WNK1: variants seen among roughly 807,000 people sequenced by gnomAD.
The protein encoded by WNK1 is serine/threonine-protein kinase WNK1.
WNK1 carries 38 observed loss-of-function variants against 222.8 expected under a neutral mutation model. That is an observed-to-expected ratio of 0.17 (90% CI 0.13 to 0.22). WNK1 has a LOEUF of 0.22. Among genes scored for constraint, WNK1 ranks in the 10% least tolerant of loss-of-function variants. WNK1 has a pLI of 1.00. For synonymous variants in WNK1, 1,090 were observed against 1,092.9 expected (o/e 1.00, Z 0.05); for missense variants, 2,348 against 2,918.4 (o/e 0.80, Z 4.50).
At position 896,506 on chromosome 12, in the gene WNK1, C is replaced by A. The variant is rs761227865; in HGVS notation, c.6019C>A (p.Leu2007Ile). The change falls in exon 24 of 28, where the codon CTA becomes ATA. Residue 2007 changes from leucine (L) to isoleucine (I), a missense_variant. Leu to Ile is a conservative substitution (Grantham distance 5, BLOSUM62 2). Around this residue, in one of 13 missense-constraint regions of WNK1, gnomAD observed 1,144 missense variants for 1,273.6 expected, o/e 0.90. Coordinates refer to ENST00000315939, the MANE Select transcript of WNK1 (RefSeq NM_018979.4). ...GCCTGAACTGTCAGAGCCTTCACAT[C>A]TAAATGGGCCGTCTTCTGACCCGGA... ...EKPELSEPSH[L>I]NGPSSDPEAA... is the part of the protein sequence containing the mutation. The A allele has an allele frequency of 6.2e-7, 1 of 1,613,818 alleles. No homozygotes were observed. Among genetic ancestry groups the A allele is most frequent in the South Asian group, 1.1e-5 (1 of 91,056 alleles).
chr12:859,634 T>TGTGTGTGTGG (rs777323797), intron 6 of WNK1, among the ~76,000 whole-genome samples, 170 bp downstream of exon 6: 11 of 12,950 alleles, frequency 8.5e-4, no homozygotes, highest in East Asian at 8.3e-3. Flanking sequence ...GTGTGTGTGT[T>TGTGTGTGTGG]TTTTTTTTTT....
chr12:882,493 T>C (rs1429286028), intron 14 of WNK1, among the ~76,000 whole-genome samples: 1 of 152,188 alleles, frequency 6.6e-6, no homozygotes, highest in Non-Finnish European at 1.5e-5. Context: ...AGCCAGATAA[T>C]TTATATAGTA....
At chr12:904,150 G>A (rs1410284479) in intron 26 of WNK1, among the ~76,000 whole-genome samples, 1 of 152,160 alleles carries the variant, frequency 6.6e-6, no homozygotes, top group African/African-American at 2.4e-5. Context: ...CTGAGAGACT[G>A]GAGTTCCTCG....
intron 8 of WNK1, among the ~76,000 whole-genome samples, chr12:862,947 C>T (rs935605367): frequency 5.3e-5 from 8 of 152,096 alleles, no homozygotes; most frequent in African/African-American, 1.9e-4. Flanking sequence ...TATACACATA[C>T]ACACACACAA....
At chr12:775,770 T>C (rs1943015388) in intron 1 of WNK1, among the ~76,000 whole-genome samples, 1 of 152,172 alleles carries the variant, frequency 6.6e-6, no homozygotes, top group South Asian at 2.1e-4. Context: ...AACCAGACAC[T>C]GTGTTTTATA....
chr12:769,290 C>G (rs574433074), intron 1 of WNK1, among the ~76,000 whole-genome samples: 7 of 152,158 alleles, frequency 4.6e-5, no homozygotes, highest in Admixed American at 4.6e-4. Context: ...CCTCCGCCTC[C>G]TGGGTTCAAG....
chr12:885,595 A>G lies in WNK1; in HGVS notation c.4791A>G (p.Val1597=). 1.9e-6 allele frequency: 3 copies of G among 1,614,070 alleles called. No individual in the cohort carries two copies. The highest frequency in any genetic ancestry group is 2.2e-5 in the South Asian group (2 of 91,082). ...GPTSTPLLPQ[V]PSIPPLVQPV... is the part of the protein sequence containing the mutation. ...CTTCTACACCTTTATTACCCCAAGTACCTAGTATCCCACCCTTGGTACAGC... is the reference window on the plus strand; with the variant it reads ...CTTCTACACCTTTATTACCCCAAGTGCCTAGTATCCCACCCTTGGTACAGC... The change falls in exon 19 of 28, where the codon GTA becomes GTG. Residue 1597 remains valine (V), a synonymous_variant. Transcript: ENST00000315939.
intron 21 of WNK1, among the ~76,000 whole-genome samples, chr12:889,585 G>A (rs993609953): frequency 3.3e-5 from 5 of 152,168 alleles, no homozygotes; most frequent in African/African-American, 4.8e-5. Context: ...TTGGGAGGCC[G>A]AGGCGGGCGG....
Position 753,305 on chromosome 12 carries a change from C to T in WNK1, c.-261C>T. ...ATGCGGACCGTGCGGCGCTAACCCC[C>T]GTGGCTCAGCTCCCGAATCGCCCGC... On this transcript the variant is annotated 5_prime_UTR_variant, in exon 1 of 28. Transcript: ENST00000315939. The surrounding 1 kb of genome is among the most constrained non-coding windows in gnomAD (Gnocchi z 5.2). 3.6e-6 allele frequency: 2 copies of T among 548,292 alleles called. No individual in the cohort carries two copies. The highest frequency in any genetic ancestry group is 2.0e-5 in the African/African-American group (1 of 49,990). The allele number at this position is 548,292 out of a possible 1,614,324, so 34.0% of individuals were successfully genotyped here.
At chr12:837,550 G>T (rs986238377) in intron 4 of WNK1, among the ~76,000 whole-genome samples, 1 of 150,286 alleles carries the variant, frequency 6.7e-6, no homozygotes, top group Non-Finnish European at 1.5e-5. Flanking sequence ...CTCCTGCCTG[G>T]GTGACAGAGT....
Position 861,018 on chromosome 12 carries a change from G to T in WNK1, c.1626G>T (p.Glu542Asp), listed in dbSNP as rs1472548794. The T allele has an allele frequency of 6.2e-6, 10 of 1,613,348 alleles. No individual in the cohort carries two copies. Among genetic ancestry groups the T allele is most frequent in the Non-Finnish European group, 8.5e-6 (10 of 1,179,866 alleles). The change falls in exon 7 of 28, where the codon GAG becomes GAT. Residue 542 changes from glutamate to aspartate, a missense_variant. Glu to Asp is a conservative substitution (Grantham distance 45, BLOSUM62 2). Coordinates refer to ENST00000315939, the MANE Select transcript of WNK1 (RefSeq NM_018979.4). ...TTTACCCTTTTATTCTGTAGGTAGA[G>T]TCTGGGTATGTCTGTGAAGGTGATC... ...VPEDVAQEMV[E>D]SGYVCEGDHK... is the part of the protein sequence containing the mutation.
At chr12:875,846 A>G (rs1952560127) in intron 9 of WNK1, among the ~76,000 whole-genome samples, 1 of 152,260 alleles carries the variant, frequency 6.6e-6, no homozygotes, top group African/African-American at 2.4e-5. Context: ...TATATTTAAT[A>G]TGCAATCTTA....
At chr12:839,541 C>T (rs1949454948) in intron 4 of WNK1, among the ~76,000 whole-genome samples, 1 of 152,048 alleles carries the variant, frequency 6.6e-6, no homozygotes, top group South Asian at 2.1e-4. Flanking sequence ...TTGAGCTAAC[C>T]TCATTTGTTT....
chr12:869,104 G>A, intron 8 of WNK1: 1 of 1,613,932 alleles, frequency 6.2e-7, no homozygotes, highest in Non-Finnish European at 8.5e-7. Context: ...TTCATCCACA[G>A]GTTATAGGAA....
chr12:835,950 TAAA>T (rs58030405), intron 4 of WNK1, among the ~76,000 whole-genome samples: 1 of 140,872 alleles, frequency 7.1e-6, no homozygotes, highest in Admixed American at 7.1e-5. Flanking sequence ...AGACTTGGTC[TAAA>T]AAAAAAAAAA....
intron 1 of WNK1, among the ~76,000 whole-genome samples, chr12:772,479 A>G (rs1343125666): frequency 6.6e-6 from 1 of 151,866 alleles, no homozygotes; most frequent in African/African-American, 2.4e-5. Context: ...GTATGTATGT[A>G]TGCCACCATA....
At chr12:876,486 C>T (rs1217543269) in intron 9 of WNK1, among the ~76,000 whole-genome samples, 1 of 152,078 alleles carries the variant, frequency 6.6e-6, no homozygotes, top group East Asian at 1.9e-4. Flanking sequence ...TATATTTTAG[C>T]ATTCTTTTGG....
In WNK1 at chr12:894,606, G is replaced by A. The variant is rs2154093383; in HGVS notation, c.5554G>A (p.Ala1852Thr). ...EGPVLATSSG[A>T]GVFKMGRFQV... The stretch of plus-strand genomic sequence containing the variant: ...CCCTGTCCTAGCAACTAGTTCAGGA[G>A]CTGGTGTTTTTAAGATGGGACGATT... Residue 1852 changes from alanine to threonine, a missense_variant, in exon 23 of 28, where the codon GCT becomes ACT. Coordinates refer to ENST00000315939, the MANE Select transcript of WNK1 (RefSeq NM_018979.4). The A allele has an allele frequency of 1.2e-6, 2 of 1,614,064 alleles. No individual in the cohort carries two copies. Among genetic ancestry groups the A allele is most frequent in the Non-Finnish European group, 1.7e-6 (2 of 1,179,964 alleles).
intron 1 of WNK1, among the ~76,000 whole-genome samples, chr12:790,228 A>C (rs1490600481): frequency 1.3e-5 from 2 of 152,128 alleles, no homozygotes; most frequent in Non-Finnish European, 2.9e-5. Context: ...TTTTTGGAGA[A>C]AGTGATTTCT....
Sources: gnomAD v4.1 joint callset for allele counts (sites outside exome capture counted in the v4.1 genomes callset) on GRCh38, gnomAD v4.1.1 for gene constraint, gnomAD v4.1.1 regional missense constraint, Gnocchi (gnomAD v3.1) non-coding constraint, MANE v1.5 for transcripts, NCBI Gene and HGNC (gene_info 2026-07-23, HGNC 2026-07-21) for gene names.